Variants in CD109 observed in about 807,000 individuals in gnomAD.
CD109 encodes the protein CD109 molecule, also known as CD109 antigen.
Under a neutral mutation model 165.8 loss-of-function variants are expected in CD109, and 149 were observed. The observed-to-expected ratio is 0.90, with a 90% CI of 0.79 to 1.03. The LOEUF (loss-of-function observed/expected upper bound fraction) is 1.03, where lower values mean the gene tolerates loss of function less well. CD109 is among the 50% of genes least tolerant of loss of function. CD109 has a pLI of 0.00. For missense variants in CD109, 1,712 were observed against 1,677.8 expected (o/e 1.02, Z -0.36); for synonymous variants, 585 against 592.1 (o/e 0.99, Z 0.18).
At chr6:73,785,767 C>T (rs532277102) in intron 20 of CD109, among the ~76,000 whole-genome samples, 138 of 152,032 alleles carry the variant, frequency 9.1e-4, no homozygotes, top group Non-Finnish European at 1.4e-3. Context: ...TTCCTGCCTC[C>T]CTGCATTTTC....
chr6:73,823,510 C>T lies in CD109; in HGVS notation c.4215C>T (p.Asp1405=), dbSNP rs1191916177. The T allele has an allele frequency of 6.2e-7, 1 of 1,613,954 alleles. No individual in the cohort carries two copies. Among genetic ancestry groups the T allele is most frequent in the Non-Finnish European group, 8.5e-7 (1 of 1,179,908 alleles). The change falls in exon 33 of 33, where the codon GAC becomes GAT. Residue 1405 remains aspartate (D), a synonymous_variant. Coordinates refer to ENST00000287097, the MANE Select transcript of CD109 (RefSeq NM_133493.5). ...CTGAAGTGAAGCTGTCCTCCTGTGA[C>T]CTTTGCAGTGATGTCCAGGGCTGCC... ...YNSEVKLSSC[D]LCSDVQGCRP...
intron 3 of CD109, among the ~76,000 whole-genome samples, chr6:73,730,127 C>T (rs1772304322): frequency 6.6e-6 from 1 of 152,122 alleles, no homozygotes; most frequent in African/African-American, 2.4e-5. Flanking sequence ...CTATGTGTCC[C>T]CCATTCCAGG....
rs1159927631 is a variant in CD109, at chr6:73,792,612, T to C, written c.2702-14T>C. 1.2e-6 allele frequency: 2 copies of C among 1,611,582 alleles called. No individual in the cohort carries two copies. Among genetic ancestry groups the C allele is most frequent in the Non-Finnish European group, 1.7e-6 (2 of 1,179,650 alleles). On this transcript the variant is annotated splice_polypyrimidine_tract_variant and intron_variant, in intron 22 of 32. Coordinates refer to ENST00000287097, the MANE Select transcript of CD109 (RefSeq NM_133493.5). The stretch of plus-strand genomic sequence containing the variant: ...GAGTATTTACTGAATGAACTGCATG[T>C]CTTGTGCTTCCAGGAGATGTTCTTG...
At chr6:73,736,930 A>G (rs1217331174) in intron 5 of CD109, among the ~76,000 whole-genome samples, 1 of 152,206 alleles carries the variant, frequency 6.6e-6, no homozygotes, top group Non-Finnish European at 1.5e-5. Flanking sequence ...AAATAGCTAC[A>G]CCGACTGCTA....
chr6:73,756,938 A>G (rs540296636), intron 6 of CD109, among the ~76,000 whole-genome samples: 26 of 152,248 alleles, frequency 1.7e-4, no homozygotes, highest in Middle Eastern at 3.4e-3. Flanking sequence ...TGATTTTTCT[A>G]TTTTTCTACT....
chr6:73,755,297 T>A (rs1562048217), intron 5 of CD109, among the ~76,000 whole-genome samples: 1 of 152,212 alleles, frequency 6.6e-6, no homozygotes, highest in Non-Finnish European at 1.5e-5. Context: ...TTCTTTGAGA[T>A]TTTCTTTTTT....
At chr6:73,791,162 T>TATATATACACATACAC (rs1562070942) in intron 22 of CD109, among the ~76,000 whole-genome samples, 664 of 36,186 alleles carry the variant, frequency 0.018, 31 homozygotes, top group Middle Eastern at 0.026. Flanking sequence ...TATATATATA[T>TATATATACACATACAC]ATATATATAT....
intron 15 of CD109, among the ~76,000 whole-genome samples, chr6:73,778,231 G>T (rs1018198991): frequency 6.6e-6 from 1 of 152,194 alleles, no homozygotes; most frequent in Admixed American, 6.5e-5. Context: ...GTATAGGAAT[G>T]CTAGTGATTT....
At chr6:73,795,884 C>G (rs1187036184) in intron 23 of CD109, among the ~76,000 whole-genome samples, 3 of 152,080 alleles carry the variant, frequency 2.0e-5, no homozygotes, top group Non-Finnish European at 4.4e-5. Flanking sequence ...AATAAAAGAA[C>G]CCACGTGGTA....
rs1375033392 is a variant in CD109, at chr6:73,820,460, G to T, written c.4060-1G>T. On this transcript the variant is annotated splice_acceptor_variant, in intron 31 of 32. Coordinates refer to ENST00000287097, the MANE Select transcript of CD109 (RefSeq NM_133493.5). LOFTEE classifies it high-confidence loss of function. Reference sequence around the variant, plus strand: ...CTTAAGACTCTTTTGTATTTCTCAAGGTAAATGAAACCCAGTTTTGTGTTA... The same window carrying T: ...CTTAAGACTCTTTTGTATTTCTCAATGTAAATGAAACCCAGTTTTGTGTTA... 1 of 1,578,398 alleles carries T rather than the reference G, an allele frequency of 6.3e-7. No individual in the cohort carries two copies. The highest frequency in any genetic ancestry group is 1.4e-5 in the African/African-American group (1 of 74,072).
At position 73,807,022 on chromosome 6, in the gene CD109, A is replaced by G. The variant is rs570682397; in HGVS notation, c.3139A>G (p.Thr1047Ala). Residue 1047 changes from threonine (T) to alanine (A), a missense_variant, in exon 25 of 33, where the codon ACA becomes GCA. Physicochemically the swap from Thr to Ala is moderately conservative, Grantham distance 58. Transcript: ENST00000287097. ...TCAAGGTGGCAATAAAAGTCCAGTA[A>G]CACTTACAGCCTATATTGTAACTTC... is the stretch of plus-strand genomic sequence containing the variant. ...ELQGGNKSPV[T>A]LTAYIVTSLL... The G allele has an allele frequency of 6.2e-7, 1 of 1,614,004 alleles. No individual in the cohort carries two copies. Among genetic ancestry groups the G allele is most frequent in the South Asian group, 1.1e-5 (1 of 91,066 alleles).
chr6:73,686,933 C>T, the CD109 span, among the ~76,000 whole-genome samples: 1 of 152,184 alleles, frequency 6.6e-6, no homozygotes, highest in Non-Finnish European at 1.5e-5. Flanking sequence ...CTCAAGTGAT[C>T]CACCCGCCTG....
chr6:73,762,121 C>A (rs1773658752), intron 7 of CD109, among the ~76,000 whole-genome samples: 1 of 151,498 alleles, frequency 6.6e-6, no homozygotes, highest in South Asian at 2.1e-4. Context: ...TGCCACCATG[C>A]CCAGCTGATT....
rs1415904112 is a variant in CD109, at chr6:73,792,718, A to G, written c.2794A>G (p.Asn932Asp). 6 of 1,612,968 alleles carry G rather than the reference A, an allele frequency of 3.7e-6. No individual in the cohort carries two copies. Among genetic ancestry groups the G allele is most frequent in the Non-Finnish European group, 4.2e-6 (5 of 1,179,868 alleles). The change falls in exon 23 of 33, where the codon AAT becomes GAT. Residue 932 changes from asparagine (N) to aspartate (D), a missense_variant. Coordinates refer to ENST00000287097, the MANE Select transcript of CD109 (RefSeq NM_133493.5). Reference sequence around the variant, plus strand: ...ACAGAACATGATAAATTTTGCTCCAAATATTTACATTTTGGATTATCTGAC... The same window carrying G: ...ACAGAACATGATAAATTTTGCTCCAGATATTTACATTTTGGATTATCTGAC... ...GEQNMINFAPNIYILDYLTKK... is the reference protein window; with the variant it reads ...GEQNMINFAPDIYILDYLTKK...
At chr6:73,714,420 C>A (rs890290651) in intron 2 of CD109, among the ~76,000 whole-genome samples, 9 of 152,206 alleles carry the variant, frequency 5.9e-5, no homozygotes, top group Non-Finnish European at 1.0e-4. Context: ...TCTGAGCTGC[C>A]CTGGTGGATG....
intron 2 of CD109, among the ~76,000 whole-genome samples, chr6:73,701,054 G>A (rs897790445): frequency 3.3e-5 from 5 of 150,796 alleles, no homozygotes; most frequent in Non-Finnish European, 5.9e-5. Context: ...GCCTGCCTCG[G>A]CCTCCCAAAG....
At position 73,766,785 on chromosome 6, in the gene CD109, C is replaced by T; in HGVS notation, c.1359C>T (p.Ser453=). 4 of 1,612,446 alleles carry T rather than the reference C, an allele frequency of 2.5e-6. No individual in the cohort carries two copies. The highest frequency in any genetic ancestry group is 3.4e-6 in the Non-Finnish European group (4 of 1,179,016). The part of the protein sequence containing the change: ...LKAYFLGSKS[S]MAVHSLFKSP... ...CCTATTTCCTTGGTAGTAAAAGTAG[C>T]ATGGCAGTTCATAGTCTGTTTAAGT... Residue 453 remains serine (S), a synonymous_variant, in exon 12 of 33, where the codon AGC becomes AGT. Coordinates refer to ENST00000287097, the MANE Select transcript of CD109 (RefSeq NM_133493.5).
chr6:73,781,881 A>G (rs1774523050), intron 17 of CD109, among the ~76,000 whole-genome samples: 1 of 149,940 alleles, frequency 6.7e-6, no homozygotes, highest in African/African-American at 2.5e-5. Flanking sequence ...ATATCTGTAC[A>G]TCCTAGTTTC....
chr6:73,827,293 T>G lies in CD109; in HGVS notation c.*3660T>G, dbSNP rs1368109589. The G allele has an allele frequency of 1.3e-5, 2 of 152,124 alleles. No homozygotes were observed. Among genetic ancestry groups the G allele is most frequent in the African/African-American group, 4.8e-5 (2 of 41,416 alleles). The allele number at this position is 152,124 out of a possible 1,614,324, so 9.4% of individuals were successfully genotyped here. A position where few individuals can be genotyped will look rare whatever the true frequency, so the allele number is the denominator to read the frequency against. On this transcript the variant is annotated 3_prime_UTR_variant, in exon 33 of 33. Transcript: ENST00000287097. ...ATTGGTTTTTTGCGCATTGTAAATT[T>G]AAGACACTTATAGTAAGTGGACTCA...
Sources: gnomAD v4.1 joint callset for allele counts (sites outside exome capture counted in the v4.1 genomes callset) on GRCh38, gnomAD v4.1.1 for gene constraint, MANE v1.5 for transcripts, NCBI Gene and HGNC (gene_info 2026-07-23, HGNC 2026-07-21) for gene names.